The following TTC1 variants were observed in gnomAD, a reference collection of about 807,000 sequenced individuals.
TTC1 encodes the protein tetratricopeptide repeat protein 1.
In TTC1, 31 loss-of-function variants were observed where a neutral mutation model predicts 37.6. The ratio of observed to expected loss-of-function variants is 0.82; its 90% confidence interval spans 0.62 to 1.11. TTC1 has a LOEUF of 1.11. TTC1 is among the 50% of genes most tolerant of loss of function. TTC1 has a pLI of 0.00. For synonymous variants in TTC1, 127 were observed against 122.4 expected, an observed-to-expected ratio of 1.04 and a Z score of -0.25; for missense variants, 351 against 339.0, an observed-to-expected ratio of 1.04 and a Z score of -0.28.
chr5:160,036,380 C>T (rs1457650747), intron 3 of TTC1: 2 of 220,858 alleles, frequency 9.1e-6, no homozygotes, highest in Non-Finnish European at 1.8e-5. Context: ...CTGAATTGCC[C>T]AGCCAAATGA....
intron 6 of TTC1, among the ~76,000 whole-genome samples, chr5:160,050,169 T>C (rs1757364052): frequency 6.6e-6 from 1 of 151,360 alleles, no homozygotes; most frequent in Admixed American, 6.6e-5. Context: ...ACCAACAGGC[T>C]GGGTGCAGTG....
At chr5:160,041,528 G>T (rs1245464438) in intron 4 of TTC1, among the ~76,000 whole-genome samples, 1 of 151,906 alleles carries the variant, frequency 6.6e-6, no homozygotes, top group African/African-American at 2.4e-5. Context: ...AGCCAGGCTG[G>T]TCTTGAACTC....
In TTC1 at chr5:160,051,331, G is replaced by A. The variant is rs111574911; in HGVS notation, c.745+148G>A. On this transcript the variant is annotated intron_variant, in intron 7 of 7. Transcript: ENST00000231238. ...TTCTGAGTTATTTTGACCCCAGAAG[G>A]GGCAGCGTGGCTTAGAGAGGGTATT... The A allele has an allele frequency of 3.5e-3, 2,027 of 579,872 alleles. 35 individuals carry two copies. Among genetic ancestry groups the A allele is most frequent in the African/African-American group, 0.033 (1,779 of 53,646 alleles). The allele number at this position is 579,872 out of a possible 1,614,324, so 35.9% of individuals were successfully genotyped here. A position where few individuals can be genotyped will look rare whatever the true frequency, so the allele number is the denominator to read the frequency against.
intron 4 of TTC1, among the ~76,000 whole-genome samples, chr5:160,040,866 T>C (rs1757078615): frequency 6.6e-6 from 1 of 152,026 alleles, no homozygotes; most frequent in Non-Finnish European, 1.5e-5. Context: ...TGCTTTAGCC[T>C]CCCGAATCAC....
chr5:160,061,364 T>G (rs1753391404), intron 7 of TTC1, among the ~76,000 whole-genome samples: 1 of 152,242 alleles, frequency 6.6e-6, no homozygotes, highest in South Asian at 2.1e-4. Flanking sequence ...TCTCGTAGCA[T>G]TTTATAACTC....
intron 2 of TTC1, among the ~76,000 whole-genome samples, chr5:160,020,937 T>C (rs947440506): frequency 4.6e-5 from 7 of 152,156 alleles, no homozygotes; most frequent in African/African-American, 1.7e-4. Flanking sequence ...CGTGGAAAAA[T>C]AGTTCCCCAC....
At chr5:160,041,628 CAT>C (rs1435089534) in intron 4 of TTC1, among the ~76,000 whole-genome samples, 1 of 151,966 alleles carries the variant, frequency 6.6e-6, no homozygotes, top group African/African-American at 2.4e-5. Flanking sequence ...TATATTTTCA[CAT>C]GACTTGCAGT....
intron 5 of TTC1, 33 bp downstream of exon 5, chr5:160,043,202 T>C (rs754862758): frequency 1.9e-6 from 3 of 1,607,778 alleles, no homozygotes; most frequent in East Asian, 2.2e-5. Flanking sequence ...CATGTTAACA[T>C]ACAGGAGCAT....
chr5:160,036,417 A>C (rs965109556), intron 3 of TTC1: 9 of 278,668 alleles, frequency 3.2e-5, no homozygotes, highest in African/African-American at 1.7e-4. Context: ...GAATGCCAGG[A>C]CTCCTGAGTA....
Position 160,036,804 on chromosome 5 carries a change from G to A in TTC1, c.504+1G>A. The A allele has an allele frequency of 1.3e-6, 2 of 1,599,552 alleles. No homozygotes were observed. The highest frequency in any genetic ancestry group is 1.7e-6 in the Non-Finnish European group (2 of 1,167,736). ...TAGAGCTGCAGCAAGGATGAAACAGGTATGTATCTGTGACCTTTTCTTTTT... is the reference window on the plus strand; with the variant it reads ...TAGAGCTGCAGCAAGGATGAAACAGATATGTATCTGTGACCTTTTCTTTTT... On this transcript the variant is annotated splice_donor_variant, in intron 4 of 7. Coordinates refer to ENST00000231238, the MANE Select transcript of TTC1 (RefSeq NM_003314.3). LOFTEE classifies it high-confidence loss of function.
chr5:160,023,987 A>G, intron 2 of TTC1: 4 of 1,541,984 alleles, frequency 2.6e-6, no homozygotes, highest in South Asian at 1.1e-5. Context: ...ACCTGGTTGC[A>G]TGAAACAATC....
At chr5:160,045,887 C>T (rs1324819902) in intron 5 of TTC1, among the ~76,000 whole-genome samples, 4 of 151,996 alleles carry the variant, frequency 2.6e-5, no homozygotes, top group Non-Finnish European at 4.4e-5. Flanking sequence ...GGACTACGGG[C>T]GCATGCCACC....
intron 7 of TTC1, among the ~76,000 whole-genome samples, chr5:160,058,891 C>G (rs73309388): frequency 0.013 from 1,943 of 152,254 alleles, 48 homozygotes; most frequent in African/African-American, 0.045. Flanking sequence ...AAGGAATCTT[C>G]TTTTCTGAAC....
In TTC1 at chr5:160,045,514, ATACACACTCTCTCT is replaced by A. The variant is rs1409968238; in HGVS notation, c.541+2346_541+2359del. 2.2e-3 allele frequency among the ~76,000 whole-genome samples: 66 copies of A among 29,734 alleles called. 1 individual carries two copies. Among genetic ancestry groups the A allele is most frequent in the African/African-American group, 0.01 (57 of 5,606 alleles). The allele number at this position is 29,734 out of a possible 152,430, so 19.5% of individuals were successfully genotyped here. On this transcript the variant is annotated intron_variant, in intron 5 of 7. Transcript: ENST00000231238. ...CACACACACACACACACACACACAC[ATACACACTCTCTCT>A]CTCTCTCTCTCTCTCTCTCTCTCTC...
At chr5:160,052,011 A>G (rs1362196149) in intron 7 of TTC1, among the ~76,000 whole-genome samples, 1 of 152,214 alleles carries the variant, frequency 6.6e-6, no homozygotes, top group East Asian at 1.9e-4. Context: ...AGACAATGGG[A>G]ACAAATTTCC....
chr5:160,015,613 C>T (rs748405387), intron 2 of TTC1, among the ~76,000 whole-genome samples: 1 of 152,196 alleles, frequency 6.6e-6, no homozygotes, highest in East Asian at 1.9e-4. Flanking sequence ...TGCACCCCTT[C>T]TCCCTCTACC....
rs369671348 is a variant in TTC1 at position 160,029,751 on chromosome 5, AC to A, written c.331-5387del. Among the ~76,000 whole-genome samples, 882 of 152,354 alleles carry A rather than the reference AC, an allele frequency of 5.8e-3. 5 individuals are homozygous for A. The highest frequency in any genetic ancestry group is 0.018 in the South Asian group (85 of 4,832). ...AGGTAGGCAAAGTACAGAATACTACACCTGGAATATTATGTAAACCTGCAAC... is the reference window on the plus strand; with the variant it reads ...AGGTAGGCAAAGTACAGAATACTACACTGGAATATTATGTAAACCTGCAAC... On this transcript the variant is annotated intron_variant, in intron 2 of 7. Coordinates refer to ENST00000231238, the MANE Select transcript of TTC1 (RefSeq NM_003314.3).
intron 2 of TTC1, among the ~76,000 whole-genome samples, chr5:160,031,346 T>C (rs1756904682): frequency 6.6e-6 from 1 of 152,144 alleles, no homozygotes; most frequent in South Asian, 2.1e-4. Context: ...TGACCTTAGC[T>C]CACACCTGTA....
intron 7 of TTC1, among the ~76,000 whole-genome samples, chr5:160,061,139 C>T (rs545111919): frequency 3.9e-4 from 60 of 152,346 alleles, no homozygotes; most frequent in Non-Finnish European, 8.1e-4. Flanking sequence ...GCTTCAGCCC[C>T]ATTGGACACA....
Sources: allele counts gnomAD v4.1 joint callset (sites outside exome capture counted in the v4.1 genomes callset), GRCh38; gene constraint gnomAD v4.1.1; transcripts MANE v1.5; gene names NCBI Gene and HGNC (gene_info 2026-07-23, HGNC 2026-07-21).